The following PTPRR variants were observed in gnomAD, a reference collection of about 807,000 sequenced individuals.
The protein encoded by PTPRR is receptor-type tyrosine-protein phosphatase R.
A neutral mutation model predicts 77.2 loss-of-function variants in PTPRR; 38 were observed. The observed-to-expected ratio is 0.49, with a 90% CI of 0.38 to 0.65. PTPRR has a LOEUF of 0.65. PTPRR is among the 30% of genes least tolerant of loss of function. The pLI is 0.00. For missense variants in PTPRR, 744 were observed against 799.2 expected (o/e 0.93, Z 0.83); for synonymous variants, 299 against 283.1 (o/e 1.06, Z -0.57).
intron 6 of PTPRR, 116 bp from the exon 7 acceptor site, chr12:70,701,439 C>T (rs1326693191): frequency 1.9e-5 from 17 of 875,092 alleles, no homozygotes; most frequent in Non-Finnish European, 2.6e-5. Flanking sequence ...TAACAACCAA[C>T]TATATTTTCT....
intron 2 of PTPRR, among the ~76,000 whole-genome samples, chr12:70,864,612 C>A (rs7975254): frequency 5.3e-5 from 8 of 152,044 alleles, no homozygotes; most frequent in Non-Finnish European, 1.2e-4. Context: ...CATTATGTGC[C>A]AGTCACTCTC....
At chr12:70,872,992 G>T (rs1278795448) in intron 2 of PTPRR, among the ~76,000 whole-genome samples, 1 of 152,122 alleles carries the variant, frequency 6.6e-6, no homozygotes, top group Non-Finnish European at 1.5e-5. Flanking sequence ...AAATCCTTGT[G>T]AGGGAAACAG....
intron 6 of PTPRR, among the ~76,000 whole-genome samples, chr12:70,715,331 T>C (rs1042378330): frequency 1.3e-4 from 20 of 152,086 alleles, no homozygotes; most frequent in African/African-American, 4.8e-4. Flanking sequence ...ACAAGGCAAA[T>C]GGAGGCAGGG....
chr12:70,790,068 G>A (rs374890725), intron 2 of PTPRR, among the ~76,000 whole-genome samples: 8 of 152,098 alleles, frequency 5.3e-5, no homozygotes, highest in African/African-American at 1.9e-4. Context: ...TGCATCATTA[G>A]TTCACCCTTT....
intron 5 of PTPRR, among the ~76,000 whole-genome samples, chr12:70,747,998 G>C (rs1163130872): frequency 6.6e-6 from 1 of 152,114 alleles, no homozygotes; most frequent in Non-Finnish European, 1.5e-5. Flanking sequence ...TATTTTCAGG[G>C]TGTGGGGGAA....
intron 6 of PTPRR, among the ~76,000 whole-genome samples, chr12:70,716,544 C>T (rs1889038551): frequency 6.6e-6 from 1 of 152,148 alleles, no homozygotes; most frequent in Non-Finnish European, 1.5e-5. Context: ...ACATGCCCCA[C>T]TTTGAGACCA....
intron 6 of PTPRR, among the ~76,000 whole-genome samples, chr12:70,743,158 G>T (rs1285128355): frequency 6.6e-6 from 1 of 152,030 alleles, no homozygotes; most frequent in Admixed American, 6.6e-5. Flanking sequence ...ACAAGAGAAG[G>T]GAATCTGGAG....
chr12:70,773,928 G>A (rs1004640160), intron 2 of PTPRR, among the ~76,000 whole-genome samples: 4 of 152,206 alleles, frequency 2.6e-5, no homozygotes, highest in African/African-American at 9.6e-5. Context: ...TGGAAATGCA[G>A]TGATCAGGAA....
chr12:70,840,586 G>A (rs1409824498), intron 2 of PTPRR, among the ~76,000 whole-genome samples: 3 of 152,084 alleles, frequency 2.0e-5, no homozygotes, highest in Admixed American at 2.0e-4. Context: ...TAGCTAGATC[G>A]CTTTTTTAAC....
chr12:70,640,312 A>C (rs1885949886), intron 13 of PTPRR, among the ~76,000 whole-genome samples: 1 of 151,994 alleles, frequency 6.6e-6, no homozygotes, highest in Non-Finnish European at 1.5e-5. Flanking sequence ...AGCTGGGACC[A>C]CAGGCACCAC....
chr12:70,881,100 T>C (rs1389430474), intron 2 of PTPRR, among the ~76,000 whole-genome samples: 1 of 152,108 alleles, frequency 6.6e-6, no homozygotes, highest in Non-Finnish European at 1.5e-5. Flanking sequence ...AATTTCCTAT[T>C]TAAAAACAGA....
chr12:70,662,397 G>T (rs1228230003), intron 11 of PTPRR, 98 bp downstream of exon 11: 3 of 626,050 alleles, frequency 4.8e-6, no homozygotes, highest in Non-Finnish European at 7.9e-6. Context: ...TATTTAATTT[G>T]CTTAAATTGC....
At chr12:70,745,000 A>G (rs1037581481) in intron 6 of PTPRR, among the ~76,000 whole-genome samples, 1 of 152,220 alleles carries the variant, frequency 6.6e-6, no homozygotes, top group African/African-American at 2.4e-5. Context: ...ATGGAAATGT[A>G]TTGGTATAAA....
intron 1 of PTPRR, among the ~76,000 whole-genome samples, chr12:70,895,556 T>C (rs1269792848): frequency 2.0e-5 from 3 of 151,584 alleles, no homozygotes; most frequent in African/African-American, 7.3e-5. Flanking sequence ...ATATTAGGTG[T>C]CCTACCACAA....
At chr12:70,667,390 C>A (rs1415675650) in intron 10 of PTPRR, among the ~76,000 whole-genome samples, 1 of 152,146 alleles carries the variant, frequency 6.6e-6, no homozygotes, top group East Asian at 1.9e-4. Flanking sequence ...CCTGGAAGGA[C>A]AGGAGAGTAA....
intron 2 of PTPRR, among the ~76,000 whole-genome samples, chr12:70,890,135 C>G (rs1432627378): frequency 6.6e-6 from 1 of 152,160 alleles, no homozygotes; most frequent in Non-Finnish European, 1.5e-5. Flanking sequence ...ATACTTTCAT[C>G]TAAAGCGGTA....
intron 1 of PTPRR, among the ~76,000 whole-genome samples, chr12:70,895,718 T>C (rs1893416690): frequency 6.6e-6 from 1 of 151,640 alleles, no homozygotes. Context: ...GGATTTATAA[T>C]AGAATTCTTA....
chr12:70,899,875 G>A (rs1893501133), intron 1 of PTPRR, among the ~76,000 whole-genome samples: 1 of 151,286 alleles, frequency 6.6e-6, no homozygotes, highest in African/African-American at 2.4e-5. Context: ...AAACTAAATG[G>A]CATTTGTATA....
In PTPRR at chr12:70,920,346, A is replaced by T. The variant is rs1221029582; in HGVS notation, c.45T>A (p.Asn15Lys). Reference sequence around the variant, plus strand: ...GCAACCCCTTACCTGCAGCGTGAAGATTAAGGAGCAGGCACAGCGCAGGGA... The same window carrying T: ...GCAACCCCTTACCTGCAGCGTGAAGTTTAAGGAGCAGGCACAGCGCAGGGA... ...VCFPALCLLL[N>K]LHAAGCFSGN... Residue 15 changes from asparagine (N) to lysine (K), a missense_variant, in exon 1 of 14, where the codon AAT (asparagine) becomes AAA (lysine). By Grantham distance (94) the Asn-to-Lys change is moderately conservative (BLOSUM62 0). Coordinates refer to ENST00000283228, the MANE Select transcript of PTPRR (RefSeq NM_002849.4). The T allele has an allele frequency of 1.2e-6, 2 of 1,613,792 alleles. No individual in the cohort carries two copies. Among genetic ancestry groups the T allele is most frequent in the Admixed American group, 3.3e-5 (2 of 60,010 alleles).
Sources: gnomAD v4.1 joint callset for allele counts (sites outside exome capture counted in the v4.1 genomes callset) on GRCh38, gnomAD v4.1.1 for gene constraint, MANE v1.5 for transcripts, NCBI Gene and HGNC (gene_info 2026-07-23, HGNC 2026-07-21) for gene names.